Variants in KIAA0408 observed in about 807,000 individuals in gnomAD.
The protein encoded by KIAA0408 is KIAA0408, also known as uncharacterized protein KIAA0408.
Under a neutral mutation model 60.9 loss-of-function variants are expected in KIAA0408, and 51 were observed. That is an observed-to-expected ratio of 0.84 (90% CI 0.67 to 1.06). The LOEUF (loss-of-function observed/expected upper bound fraction) is 1.06. Ranked by LOEUF, KIAA0408 falls within the 50% of genes least tolerant of loss-of-function variation. KIAA0408 has a pLI of 0.00. For missense variants in KIAA0408, 787 were observed against 833.9 expected (o/e 0.94, Z 0.69); for synonymous variants, 304 against 282.4 (o/e 1.08, Z -0.77).
chr6:127,446,384 ATTATG>A lies in KIAA0408; in HGVS notation c.1911+19_1911+23del. The A allele has an allele frequency of 6.3e-7, 1 of 1,585,752 alleles. No individual in the cohort carries two copies. Among genetic ancestry groups the A allele is most frequent in the Non-Finnish European group, 8.6e-7 (1 of 1,163,786 alleles). The stretch of plus-strand genomic sequence containing the variant: ...CCATTGCTAATATGGATGCTACCAA[ATTATG>A]TTATATTTGCTTTCTCACCTCTGTT... On this transcript the variant is annotated intron_variant, in intron 5 of 5. Coordinates refer to ENST00000483725, the MANE Select transcript of KIAA0408 (RefSeq NM_014702.5).
At chr6:127,447,891 A>T (rs983532273) in intron 4 of KIAA0408, 151 bp from the exon 5 acceptor site, 4 of 1,040,150 alleles carry the variant, frequency 3.8e-6, no homozygotes, top group Admixed American at 3.6e-5. Flanking sequence ...CCCAGTCAAA[A>T]ACTTCAAGTC....
intron 2 of KIAA0408, among the ~76,000 whole-genome samples, chr6:127,452,361 C>T (rs1339019302): frequency 2.0e-5 from 3 of 152,026 alleles, no homozygotes; most frequent in African/African-American, 7.2e-5. Context: ...GGCAGCAAAA[C>T]ATAAACAGCA....
Position 127,444,189 on chromosome 6 carries a change from A to C in KIAA0408, c.2005T>G (p.Ser669Ala). Residue 669 changes from serine to alanine, a missense_variant, in exon 6 of 6, where the codon TCT (serine) becomes GCT (alanine). Ser to Ala is a moderately conservative substitution (Grantham distance 99, BLOSUM62 1). Coordinates refer to ENST00000483725, the MANE Select transcript of KIAA0408 (RefSeq NM_014702.5). ...RRLPSRWASR[S>A]PSAPPALRRT... ...CGCAAGGCAGGGGGTGCAGATGGAG[A>C]TCTGGATGCCCATCTGGAGGGGAGA... 1 of 1,613,732 alleles carries C rather than the reference A, an allele frequency of 6.2e-7. No individual in the cohort carries two copies. Among genetic ancestry groups the C allele is most frequent in the African/African-American group, 1.3e-5 (1 of 75,004 alleles).
Position 127,443,750 on chromosome 6 carries a change from T to G in KIAA0408, c.*359A>C. 5.4e-6 allele frequency: 1 copy of G among 185,184 alleles called. No individual in the cohort carries two copies. Among genetic ancestry groups the G allele is most frequent in the South Asian group, 1.1e-4 (1 of 9,196 alleles). The allele number at this position is 185,184 out of a possible 1,614,324, so 11.5% of individuals were successfully genotyped here. ...TTCAAAGTCAACACTAGCACATAAG[T>G]TTTTCATATCTAAATACATACTAGG... On this transcript the variant is annotated 3_prime_UTR_variant, in exon 6 of 6. Coordinates refer to ENST00000483725, the MANE Select transcript of KIAA0408 (RefSeq NM_014702.5).
At chr6:127,448,176 T>C (rs565289030) in intron 4 of KIAA0408, among the ~76,000 whole-genome samples, 79 of 152,278 alleles carry the variant, frequency 5.2e-4, no homozygotes, top group African/African-American at 1.9e-3. Flanking sequence ...TGAAATAACA[T>C]TTTAAGTAGT....
rs1214909571 is a variant in KIAA0408, at chr6:127,441,558, T to C, written c.*2551A>G. The C allele has an allele frequency of 6.6e-6, 1 of 152,254 alleles. No homozygotes were observed. Among genetic ancestry groups the C allele is most frequent in the Non-Finnish European group, 1.5e-5 (1 of 68,038 alleles). 9.4% of individuals were successfully genotyped at this position (152,254 alleles called of 1,614,324 possible). A position where few individuals can be genotyped will look rare whatever the true frequency, so the allele number is the denominator to read the frequency against. ...AAAGTCTGCTAGGGAAAACATCTAT[T>C]AATATATGTTTTTAAATCAAATATT... On this transcript the variant is annotated 3_prime_UTR_variant, in exon 6 of 6. Coordinates refer to ENST00000483725, the MANE Select transcript of KIAA0408 (RefSeq NM_014702.5).
rs766548239 is a variant in KIAA0408 at position 127,446,827 on chromosome 6, T to C, written c.1492A>G (p.Asn498Asp). The change falls in exon 5 of 6, where the codon AAT becomes GAT. Residue 498 changes from asparagine (N) to aspartate (D), a missense_variant. Physicochemically the swap from Asn to Asp is conservative, Grantham distance 23. Coordinates refer to ENST00000483725, the MANE Select transcript of KIAA0408 (RefSeq NM_014702.5). ...TCCATGGGCACAGGCATGTGGGCAT[T>C]GGTTTTCCAAATACCGGACACATCG... ...SNDVSGIWKT[N>D]AHMPVPMENV... The C allele has an allele frequency of 1.2e-6, 2 of 1,614,038 alleles. No homozygotes were observed. The highest frequency in any genetic ancestry group is 2.2e-5 in the South Asian group (2 of 91,078).
chr6:127,447,443 C>A lies in KIAA0408; in HGVS notation c.876G>T (p.Arg292Ser). The A allele has an allele frequency of 6.2e-7, 1 of 1,613,966 alleles. No homozygotes were observed. Among genetic ancestry groups the A allele is most frequent in the South Asian group, 1.1e-5 (1 of 91,044 alleles). The change falls in exon 5 of 6, where the codon AGG becomes AGT. Residue 292 changes from arginine (R) to serine (S), a missense_variant. This residue lies in a region of KIAA0408 where 640 missense variants were observed against 681.3 expected (regional missense o/e 0.94). Transcript: ENST00000483725. ...SEQAYERWKE[R>S]LDHNSWVPHE... ...GGGGCACCCAGCTGTTGTGGTCTAA[C>A]CTTTCCTTCCATCTTTCATAGGCTT...
intron 5 of KIAA0408, among the ~76,000 whole-genome samples, chr6:127,446,123 G>C (rs1773188336): frequency 6.6e-6 from 1 of 152,014 alleles, no homozygotes; most frequent in African/African-American, 2.4e-5. Context: ...ATTTTTTCAA[G>C]AAAGAGCAAA....
At chr6:127,453,608 T>C (rs1773339890) in intron 2 of KIAA0408, among the ~76,000 whole-genome samples, 1 of 152,044 alleles carries the variant, frequency 6.6e-6, no homozygotes. Context: ...CAGAAAATAA[T>C]AAGTTGAAAC....
rs749796481 is a variant in KIAA0408 at position 127,446,460 on chromosome 6, A to AGTTT, written c.1858_1859insAAAC (p.Val620GlufsTer37). 3 of 1,613,714 alleles carry AGTTT rather than the reference A, an allele frequency of 1.9e-6. No individual in the cohort carries two copies. In the Admixed American group the frequency reaches 5.0e-5, roughly 27 times the overall value. The stretch of plus-strand genomic sequence containing the variant: ...TTGCTTCACTTCCTGTCCCCCCCAC[A>AGTTT]CAGCTGTCTTTTGCTGAAACTGTTG... On this transcript the variant is annotated frameshift_variant, in exon 5 of 6. Transcript: ENST00000483725. LOFTEE classifies it high-confidence loss of function.
At chr6:127,454,225 G>T in intron 1 of KIAA0408, 124 bp from the exon 2 acceptor site, 1 of 923,574 alleles carries the variant, frequency 1.1e-6, no homozygotes, top group Non-Finnish European at 1.4e-6. Flanking sequence ...GAAAAGAGAT[G>T]ACAACAGTCT....
At chr6:127,452,616 A>C (rs1773320494) in intron 2 of KIAA0408, among the ~76,000 whole-genome samples, 1 of 152,148 alleles carries the variant, frequency 6.6e-6, no homozygotes, top group African/African-American at 2.4e-5. Flanking sequence ...GGCTAGACTA[A>C]TCCTGCATCC....
At chr6:127,448,141 G>A (rs1003775895) in intron 4 of KIAA0408, among the ~76,000 whole-genome samples, 1 of 152,064 alleles carries the variant, frequency 6.6e-6, no homozygotes, top group African/African-American at 2.4e-5. Context: ...TATGTAATGT[G>A]AGCTCAAGTT....
chr6:127,456,583 G>A (rs1773396955), intron 1 of KIAA0408, among the ~76,000 whole-genome samples: 1 of 152,064 alleles, frequency 6.6e-6, no homozygotes, highest in South Asian at 2.1e-4. Context: ...TCCTTTCCAG[G>A]CCCAGAGCAA....
At position 127,442,877 on chromosome 6, in the gene KIAA0408, T is replaced by A. The variant is rs1297139094; in HGVS notation, c.*1232A>T. The A allele has an allele frequency of 1.3e-5, 2 of 152,220 alleles. No homozygotes were observed. Among genetic ancestry groups the A allele is most frequent in the African/African-American group, 2.4e-5 (1 of 41,464 alleles). 9.4% of individuals were successfully genotyped at this position (152,220 alleles called of 1,614,324 possible). A position where few individuals can be genotyped will look rare whatever the true frequency, so the allele number is the denominator to read the frequency against. On this transcript the variant is annotated 3_prime_UTR_variant, in exon 6 of 6. Transcript: ENST00000483725. ...AGAATTCCAAGCCCCTCGACATTCA[T>A]ATTTCTGTCAGTTTTCAATATAGAT...
chr6:127,455,788 C>T (rs1160617177), intron 1 of KIAA0408, among the ~76,000 whole-genome samples: 1 of 152,110 alleles, frequency 6.6e-6, no homozygotes, highest in East Asian at 1.9e-4. Flanking sequence ...TTTCTGACCT[C>T]ATTTCTCCAC....
rs1773090171 is a variant in KIAA0408, at chr6:127,440,566, T to A, written c.*3543A>T. 1 of 151,910 alleles carries A rather than the reference T, an allele frequency of 6.6e-6. No individual in the cohort carries two copies. The highest frequency in any genetic ancestry group is 1.5e-5 in the Non-Finnish European group (1 of 68,006). The allele number at this position is 151,910 out of a possible 1,614,324, so 9.4% of individuals were successfully genotyped here. ...TGGTCTCCATCTCCTGACCTCGTGA[T>A]CCCCCCACCTTGGCCTCCCAAAGTG... On this transcript the variant is annotated 3_prime_UTR_variant, in exon 6 of 6. Coordinates refer to ENST00000483725, the MANE Select transcript of KIAA0408 (RefSeq NM_014702.5).
At chr6:127,458,646 A>T (rs1773436199) in intron 1 of KIAA0408, among the ~76,000 whole-genome samples, 1 of 152,232 alleles carries the variant, frequency 6.6e-6, no homozygotes. Context: ...AACGTAGATT[A>T]TTCAATTATG....
Sources: allele counts gnomAD v4.1 joint callset (sites outside exome capture counted in the v4.1 genomes callset), GRCh38; gene constraint gnomAD v4.1.1; regional missense constraint gnomAD v4.1.1; transcripts MANE v1.5; gene names NCBI Gene and HGNC (gene_info 2026-07-23, HGNC 2026-07-21).